The following GAS2L1 variants were observed in gnomAD, a reference collection of about 807,000 sequenced individuals.
GAS2L1 encodes the protein GAS2-like protein 1.
A neutral mutation model predicts 44.0 loss-of-function variants in GAS2L1; 26 were observed. The ratio of observed to expected loss-of-function variants is 0.59; its 90% CI spans 0.43 to 0.82. The LOEUF is 0.82. GAS2L1 is among the 40% of genes least tolerant of loss of function. The pLI is 0.00. For missense variants in GAS2L1, 1,006 were observed against 983.0 expected (o/e 1.02, Z -0.31); for synonymous variants, 426 against 415.9 (o/e 1.02, Z -0.30).
chr22:29,307,175 A>G (rs2061358098), exon 1 of GAS2L1: 1 of 145,720 alleles, frequency 6.9e-6, no homozygotes, highest in Admixed American at 6.8e-5. Flanking sequence ...GACCCCCAGC[A>G]CTCCCTGCCT....
intron 1 of GAS2L1, among the ~76,000 whole-genome samples, chr22:29,309,790 A>T (rs1455734447): frequency 6.6e-6 from 1 of 152,184 alleles, no homozygotes; most frequent in Non-Finnish European, 1.5e-5. Context: ...TGTGGGCCCC[A>T]GCCTTCTTGT....
chr22:29,311,042 G>C, intron 4 of GAS2L1, 44 bp downstream of exon 5: 7 of 1,566,976 alleles, frequency 4.5e-6, no homozygotes, highest in Non-Finnish European at 6.1e-6. Context: ...AGAGGGTGGG[G>C]GGGCGTCAGC....
chr22:29,310,785 T>C (rs1441558092), intron 3 of GAS2L1, 42 bp from the exon 5 acceptor site: 1 of 1,606,382 alleles, frequency 6.2e-7, no homozygotes, highest in Admixed American at 1.7e-5. Flanking sequence ...CTTGCTTCTG[T>C]GGCTCTGTCC....
At chr22:29,308,017 C>T (rs1202242680) in exon 1 of GAS2L1, 2 of 1,085,280 alleles carry the variant, frequency 1.8e-6, no homozygotes, top group Non-Finnish European at 2.5e-6. Context: ...TGCAGGTGGC[C>T]AGCAGCTTAA....
exon 5 of GAS2L1, chr22:29,311,784 C>T (rs773843884): frequency 1.3e-6 from 2 of 1,565,090 alleles, no homozygotes; most frequent in Non-Finnish European, 1.7e-6. Context: ...GCAGGCTGTG[C>T]TGCTTGTGCG....
exon 5 of GAS2L1, chr22:29,312,230 C>G: frequency 6.2e-7 from 1 of 1,613,022 alleles, no homozygotes; most frequent in Middle Eastern, 1.6e-4. Flanking sequence ...TGCCTGGGCC[C>G]CGAAGCCAAG....
At chr22:29,312,359 G>A (rs2061419342) in exon 5 of GAS2L1, 2 of 1,604,758 alleles carry the variant, frequency 1.2e-6, no homozygotes, top group Non-Finnish European at 1.7e-6. Context: ...GGGGTCGGAT[G>A]GACACACAGC....
At chr22:29,312,570 G>A in exon 5 of GAS2L1, 2 of 1,188,400 alleles carry the variant, frequency 1.7e-6, no homozygotes, top group Non-Finnish European at 1.1e-6. Context: ...TCTGCATCAG[G>A]GAGCCCCCTC....
At chr22:29,307,863 C>A (rs1046938695) in exon 1 of GAS2L1, 6 of 381,950 alleles carry the variant, frequency 1.6e-5, no homozygotes, top group Non-Finnish European at 1.4e-5. Flanking sequence ...ACTTAATGGA[C>A]CCTAAATTTA....
Position 29,311,442 on chromosome 22 carries a change from C to T in GAS2L1, c.1011-20C>T. On this transcript the variant is annotated intron_variant, in intron 4 of 4. Coordinates refer to ENST00000618518, the Ensembl canonical transcript of GAS2L1. ...TCCTTCCGTGGTACCCCATCTGTCTCTATTGTCCCCCTGCCCCAGGCCCCG... is the reference window on the plus strand; with the variant it reads ...TCCTTCCGTGGTACCCCATCTGTCTTTATTGTCCCCCTGCCCCAGGCCCCG... 1.0e-6 allele frequency: 1 copy of T among 980,122 alleles called. No individual in the cohort carries two copies. The highest frequency in any genetic ancestry group is 1.5e-6 in the Non-Finnish European group (1 of 660,578). 60.7% of individuals were successfully genotyped at this position (980,122 alleles called of 1,614,324 possible). A position where few individuals can be genotyped will look rare whatever the true frequency, so the allele number is the denominator to read the frequency against.
At chr22:29,308,324 C>G (rs2061369063) in exon 1 of GAS2L1, 1 of 1,606,158 alleles carries the variant, frequency 6.2e-7, no homozygotes, top group African/African-American at 1.3e-5. Context: ...CCGAGGCTGC[C>G]CGTGCATTGG....
At position 29,309,767 on chromosome 22, in the gene GAS2L1, T is replaced by A. The variant is rs552946100; in HGVS notation, c.634-672T>A. ...CCCCCTGCACCTGTGTCCTGTAGCC[T>A]GCCTGGCCTTCCTGTGGGCCCCAGC... On this transcript the variant is annotated intron_variant, in intron 1 of 4. Transcript: ENST00000618518. 3.9e-5 allele frequency among the ~76,000 whole-genome samples: 6 copies of A among 152,164 alleles called. No homozygotes were observed. In the South Asian group the frequency reaches 1.0e-3, roughly 26 times the overall value.
intron 4 of GAS2L1, 124 bp downstream of exon 5, chr22:29,311,122 GGGCGGGCC>G: frequency 1.1e-6 from 1 of 925,232 alleles, no homozygotes; most frequent in Non-Finnish European, 1.6e-6. Context: ...CCGTGGGTGG[GGGCGGGCC>G]TGGCTTCCCA....
In GAS2L1 at chr22:29,310,515, T is replaced by TG; in HGVS notation, c.715dup (p.Asp239GlyfsTer68). On this transcript the variant is annotated frameshift_variant, in exon 2 of 5. Transcript: ENST00000618518. LOFTEE classifies it high-confidence loss of function. The stretch of plus-strand genomic sequence containing the variant: ...AAGGTCTCAGAGGGGAAGTACCGTG[T>TG]GGGGGACTCGAGCCTGCTCATCTTT... 6.2e-7 allele frequency: 1 copy of TG among 1,610,832 alleles called. No individual in the cohort carries two copies. The highest frequency in any genetic ancestry group is 1.1e-5 in the South Asian group (1 of 91,008).
chr22:29,310,390 C>CAGG (rs764209991), intron 1 of GAS2L1, 49 bp from the exon 3 acceptor site: 1 of 1,028,774 alleles, frequency 9.7e-7, no homozygotes, highest in Non-Finnish European at 1.5e-6. Context: ...CATTAAGCCC[C>CAGG]AGGAGGAGGA....
At chr22:29,312,070 C>T in exon 5 of GAS2L1, 3 of 1,612,826 alleles carry the variant, frequency 1.9e-6, no homozygotes, top group Non-Finnish European at 2.5e-6. Flanking sequence ...AGCGTGACCC[C>T]CACTGGACCA....
exon 5 of GAS2L1, chr22:29,311,979 G>A (rs773545274): frequency 1.6e-5 from 25 of 1,610,038 alleles, no homozygotes; most frequent in Non-Finnish European, 2.0e-5. Flanking sequence ...CCTGCAGCTC[G>A]ACCCGCAGCA....
At chr22:29,308,487 G>A (rs745602248) in exon 1 of GAS2L1, 6 of 1,608,866 alleles carry the variant, frequency 3.7e-6, no homozygotes. Flanking sequence ...TGAGGACCTG[G>A]TGCTGCGCAA....
chr22:29,308,354 A>T, exon 1 of GAS2L1: 1 of 1,604,786 alleles, frequency 6.2e-7, no homozygotes, highest in Non-Finnish European at 8.5e-7. Flanking sequence ...GCCCGGCCCG[A>T]GGTGTGGCCT....
Sources: gnomAD v4.1 joint callset for allele counts (sites outside exome capture counted in the v4.1 genomes callset) on GRCh38, gnomAD v4.1.1 for gene constraint, MANE v1.5 for transcripts, NCBI Gene and HGNC (gene_info 2026-07-23, HGNC 2026-07-21) for gene names.